Variants in GNG4 observed in about 807,000 individuals in gnomAD.
GNG4 encodes the protein guanine nucleotide-binding protein G(I)/G(S)/G(O) subunit gamma-4.
Under a neutral mutation model 5.8 loss-of-function variants are expected in GNG4, and 4 were observed. That is an observed-to-expected ratio of 0.69 (90% CI 0.34 to 1.57). The LOEUF is 1.57. Ranked by LOEUF, GNG4 falls within the 40% of genes most tolerant of loss-of-function variation. The pLI is 0.06. For missense variants in GNG4, 96 were observed against 95.1 expected, an observed-to-expected ratio of 1.01 and a Z score of -0.04; for synonymous variants, 29 against 32.9, an observed-to-expected ratio of 0.88 and a Z score of 0.41.
At chr1:235,553,110 C>T (rs773197273) in intron 3 of GNG4, among the ~76,000 whole-genome samples, 1 of 152,170 alleles carries the variant, frequency 6.6e-6, no homozygotes, top group Admixed American at 6.5e-5. Flanking sequence ...GAGAGGTGCT[C>T]CTGACCAGAA....
intron 1 of GNG4, among the ~76,000 whole-genome samples, chr1:235,623,976 A>T (rs1172281969): frequency 1.3e-5 from 2 of 152,248 alleles, no homozygotes; most frequent in Non-Finnish European, 2.9e-5. Flanking sequence ...AAATGCTGTG[A>T]GCCGAAGACG....
At chr1:235,587,790 G>T (rs866135712) in intron 2 of GNG4, among the ~76,000 whole-genome samples, 1 of 143,396 alleles carries the variant, frequency 7.0e-6, no homozygotes, top group African/African-American at 2.6e-5. Flanking sequence ...GTGTGTGTGT[G>T]TGTGAAGGTG....
intron 1 of GNG4, among the ~76,000 whole-genome samples, chr1:235,632,767 C>T (rs80310561): frequency 2.0e-5 from 3 of 152,028 alleles, no homozygotes; most frequent in South Asian, 2.1e-4. Context: ...ACATTGTCAT[C>T]GGCCTTTGTT....
chr1:235,641,647 C>T (rs745784874), intron 1 of GNG4, among the ~76,000 whole-genome samples: 9 of 152,138 alleles, frequency 5.9e-5, no homozygotes, highest in African/African-American at 9.7e-5. Context: ...GCCGAGATCG[C>T]GCCACTGCAC....
upstream of GNG4, chr1:235,650,056 AC>A (rs1178374331): frequency 4.0e-5 from 6 of 149,832 alleles, no homozygotes; most frequent in Non-Finnish European, 8.9e-5. Flanking sequence ...GCCCGCTGCC[AC>A]CGACGTCACT....
intron 2 of GNG4, among the ~76,000 whole-genome samples, chr1:235,588,059 TC>T (rs1170913813): frequency 6.6e-6 from 1 of 151,854 alleles, no homozygotes; most frequent in East Asian, 1.9e-4. Context: ...CCTCTCTCCC[TC>T]CCAGGCGCTG....
intron 1 of GNG4, among the ~76,000 whole-genome samples, chr1:235,617,801 C>G (rs969671627): frequency 2.0e-5 from 3 of 150,412 alleles, no homozygotes; most frequent in African/African-American, 7.3e-5. Flanking sequence ...ATGAGAATTG[C>G]TTGAATCTGT....
intron 1 of GNG4, among the ~76,000 whole-genome samples, chr1:235,620,750 A>T (rs10926283): frequency 0.36 from 55,275 of 151,934 alleles, 10,300 homozygotes; most frequent in Non-Finnish European, 0.39. Flanking sequence ...TTAGCCAGGA[A>T]GGTCTAGATC....
At position 235,649,293 on chromosome 1, in the gene GNG4, G is replaced by T. The variant is rs1345555036; in HGVS notation, c.-123+369C>A. Among the ~76,000 whole-genome samples the T allele has an allele frequency of 1.3e-5, 2 of 152,202 alleles. No homozygotes were observed. The highest frequency in any genetic ancestry group is 2.1e-4 in the South Asian group (1 of 4,832). ...GTCCTTTTCCACGGGGGACGTCCCCGCTGGGAAAACAGCAAACGCTCTGTG... is the reference window on the plus strand; with the variant it reads ...GTCCTTTTCCACGGGGGACGTCCCCTCTGGGAAAACAGCAAACGCTCTGTG... On this transcript the variant is annotated intron_variant, in intron 1 of 3. Coordinates refer to ENST00000391854, the MANE Select transcript of GNG4 (RefSeq NM_001098722.2). This position sits in a 1 kb window ranked among gnomAD's most constrained non-coding sequence, Gnocchi z 5.7.
At position 235,644,370 on chromosome 1, in the gene GNG4, C is replaced by T. The variant is rs1439498053; in HGVS notation, c.-123+5292G>A. 6.6e-6 allele frequency among the ~76,000 whole-genome samples: 1 copy of T among 152,242 alleles called. No individual in the cohort carries two copies. Among genetic ancestry groups the T allele is most frequent in the African/African-American group, 2.4e-5 (1 of 41,468 alleles). ...ACATTTTGGAATTTTCTACTCACAT[C>T]CACCGAGCGACCCTCCTCGGCCACC... On this transcript the variant is annotated intron_variant, in intron 1 of 3. Transcript: ENST00000391854. This position sits in a 1 kb window ranked among gnomAD's most constrained non-coding sequence, Gnocchi z 5.9.
At chr1:235,606,153 G>A (rs1170088238) in intron 1 of GNG4, among the ~76,000 whole-genome samples, 3 of 151,962 alleles carry the variant, frequency 2.0e-5, no homozygotes, top group South Asian at 2.1e-4. Flanking sequence ...ACCGAGGTGG[G>A]CGGATCATGA....
chr1:235,593,314 T>G (rs1350582778), intron 2 of GNG4, among the ~76,000 whole-genome samples: 1 of 152,222 alleles, frequency 6.6e-6, no homozygotes, highest in South Asian at 2.1e-4. Flanking sequence ...AAGTTGGGGC[T>G]GGGAGACCAA....
At position 235,648,150 on chromosome 1, in the gene GNG4, C is replaced by T. The variant is rs547608709; in HGVS notation, c.-123+1512G>A. On this transcript the variant is annotated intron_variant, in intron 1 of 3. Coordinates refer to ENST00000391854, the MANE Select transcript of GNG4 (RefSeq NM_001098722.2). This position sits in a 1 kb window ranked among gnomAD's most constrained non-coding sequence, Gnocchi z 5.0. The stretch of plus-strand genomic sequence containing the variant: ...TACATCCTCCACTGGCTTCCTTGGG[C>T]GAATTTTAAGGCCTATGAGCACTGG... Among the ~76,000 whole-genome samples the T allele has an allele frequency of 1.3e-5, 2 of 152,030 alleles. No individual in the cohort carries two copies. The highest frequency in any genetic ancestry group is 3.9e-4 in the East Asian group (2 of 5,164).
intron 1 of GNG4, among the ~76,000 whole-genome samples, chr1:235,634,114 G>C (rs1253395661): frequency 6.6e-6 from 1 of 152,158 alleles, no homozygotes; most frequent in Non-Finnish European, 1.5e-5. Context: ...GGGAGGGTGA[G>C]GGATCAGCTA....
intron 2 of GNG4, chr1:235,589,068 G>A (rs1687897365): frequency 6.6e-6 from 1 of 152,284 alleles, no homozygotes; most frequent in Non-Finnish European, 1.5e-5. Flanking sequence ...TCAAGGATAG[G>A]CTGAGGTAAA....
intron 3 of GNG4, among the ~76,000 whole-genome samples, chr1:235,564,484 G>T (rs1461401774): frequency 6.6e-6 from 1 of 152,018 alleles, no homozygotes; most frequent in African/African-American, 2.4e-5. Flanking sequence ...ACTCAGCCAG[G>T]GTAAGCTTCT....
At chr1:235,616,048 G>A (rs576841639) in intron 1 of GNG4, 11 of 359,990 alleles carry the variant, frequency 3.1e-5, no homozygotes, top group South Asian at 2.2e-4. Flanking sequence ...GGCACCTGGT[G>A]GCCGTCTTCC....
chr1:235,570,170 T>C (rs1687297396), intron 3 of GNG4, among the ~76,000 whole-genome samples: 1 of 152,200 alleles, frequency 6.6e-6, no homozygotes, highest in Admixed American at 6.5e-5. Flanking sequence ...GTGAGAATGC[T>C]CTTGTCAGTC....
At chr1:235,571,415 CT>C (rs1457841215) in intron 3 of GNG4, among the ~76,000 whole-genome samples, 2 of 152,158 alleles carry the variant, frequency 1.3e-5, no homozygotes, top group African/African-American at 4.8e-5. Flanking sequence ...CTTCATTGGA[CT>C]GCTGTGAGAA....
Sources: gnomAD v4.1 joint callset for allele counts (sites outside exome capture counted in the v4.1 genomes callset) on GRCh38, gnomAD v4.1.1 for gene constraint, Gnocchi (gnomAD v3.1) non-coding constraint, MANE v1.5 for transcripts, NCBI Gene and HGNC (gene_info 2026-07-23, HGNC 2026-07-21) for gene names.